Variants in TMEM132D observed in about 807,000 individuals in gnomAD.
TMEM132D encodes transmembrane protein 132D.
Under a neutral mutation model 62.3 loss-of-function variants are expected in TMEM132D, and 21 were observed. The observed-to-expected ratio is 0.34, with a 90% CI of 0.24 to 0.49. TMEM132D has a LOEUF of 0.49. TMEM132D is among the 20% of genes least tolerant of loss of function. The probability of loss-of-function intolerance (pLI) is 0.99; values close to 1 mark genes in which losing one functional copy is unlikely to be tolerated. For missense variants in TMEM132D, 1,346 were observed against 1,402.8 expected, an observed-to-expected ratio of 0.96 and a Z score of 0.65; for synonymous variants, 621 against 575.6, an observed-to-expected ratio of 1.08 and a Z score of -1.13.
chr12:129,413,735 C>A (rs1013811498), intron 3 of TMEM132D, among the ~76,000 whole-genome samples: 13 of 152,116 alleles, frequency 8.5e-5, no homozygotes, highest in Non-Finnish European at 1.3e-4. Flanking sequence ...AAACTCTTAC[C>A]TTGATCTTGG....
At chr12:129,635,587 C>T (rs1879455160) in intron 2 of TMEM132D, among the ~76,000 whole-genome samples, 1 of 152,194 alleles carries the variant, frequency 6.6e-6, no homozygotes, top group South Asian at 2.1e-4. Context: ...AACACTGAAA[C>T]CAGCGCTCAG....
At chr12:129,172,809 C>T (rs541400060) in intron 5 of TMEM132D, among the ~76,000 whole-genome samples, 1 of 152,246 alleles carries the variant, frequency 6.6e-6, no homozygotes, top group South Asian at 2.1e-4. Context: ...AACTCCCGGC[C>T]TCAGGCGATC....
intron 1 of TMEM132D, among the ~76,000 whole-genome samples, chr12:129,791,909 TA>T (rs1424097066): frequency 6.6e-6 from 1 of 152,172 alleles, no homozygotes; most frequent in African/African-American, 2.4e-5. Flanking sequence ...CTGTATTTCC[TA>T]AACATTAGGG....
chr12:129,122,243 C>T (rs1876088717), intron 5 of TMEM132D, among the ~76,000 whole-genome samples: 1 of 152,188 alleles, frequency 6.6e-6, no homozygotes. Flanking sequence ...TGAATGTGTA[C>T]TGCTCATCTC....
chr12:129,414,119 A>C, intron 3 of TMEM132D, among the ~76,000 whole-genome samples: 2 of 152,222 alleles, frequency 1.3e-5, no homozygotes, highest in Non-Finnish European at 2.9e-5. Flanking sequence ...ATCTCTCCGC[A>C]TAAAGTGGGC....
chr12:129,388,963 A>G (rs1242839060), intron 3 of TMEM132D, among the ~76,000 whole-genome samples: 1 of 134,406 alleles, frequency 7.4e-6, no homozygotes, highest in Non-Finnish European at 1.7e-5. Flanking sequence ...GATAATATTA[A>G]CACCAACACT....
Position 129,903,978 on chromosome 12 carries a change from C to T in TMEM132D, c.-639G>A, listed in dbSNP as rs946140334. The stretch of plus-strand genomic sequence containing the variant: ...CGGCCGCCGCCTCGGCCCGCCCGGC[C>T]CCGGGCCCGGCTGGGGCTCGCGGGG... On this transcript the variant is annotated 5_prime_UTR_variant, in exon 1 of 9. Transcript: ENST00000422113. This position sits in a 1 kb window ranked among gnomAD's most constrained non-coding sequence, Gnocchi z 6.2. Among the ~76,000 whole-genome samples, 1 of 148,962 alleles carries T rather than the reference C, an allele frequency of 6.7e-6. No individual in the cohort carries two copies. The highest frequency in any genetic ancestry group is 1.5e-5 in the Non-Finnish European group (1 of 66,738).
intron 5 of TMEM132D, among the ~76,000 whole-genome samples, chr12:129,143,688 T>C (rs1204958327): frequency 6.6e-6 from 1 of 151,778 alleles, no homozygotes; most frequent in Non-Finnish European, 1.5e-5. Context: ...TGAAGAGGAG[T>C]GGCCAGGCAG....
chr12:129,120,124 G>T (rs1876011440), intron 5 of TMEM132D, among the ~76,000 whole-genome samples: 1 of 152,184 alleles, frequency 6.6e-6, no homozygotes, highest in Admixed American at 6.5e-5. Context: ...ATTATGGTGA[G>T]GAGGTTGTAT....
At chr12:129,722,129 C>T (rs1396110535) in intron 1 of TMEM132D, among the ~76,000 whole-genome samples, 1 of 152,192 alleles carries the variant, frequency 6.6e-6, no homozygotes, top group Non-Finnish European at 1.5e-5. Flanking sequence ...CGCTGCTTTT[C>T]CTGTCACTAA....
intron 2 of TMEM132D, among the ~76,000 whole-genome samples, chr12:129,576,643 C>G (rs1422526367): frequency 6.6e-6 from 1 of 151,578 alleles, no homozygotes; most frequent in Admixed American, 6.6e-5. Flanking sequence ...TGACTTGAAA[C>G]AGCTCAGAGG....
At chr12:129,275,829 G>T (rs965167814) in intron 4 of TMEM132D, among the ~76,000 whole-genome samples, 1 of 152,164 alleles carries the variant, frequency 6.6e-6, no homozygotes, top group African/African-American at 2.4e-5. Context: ...AGAGAATAAG[G>T]TTGCTACGTT....
At chr12:129,216,995 TTTGTTG>T (rs971518951) in intron 4 of TMEM132D, among the ~76,000 whole-genome samples, 13 of 152,086 alleles carry the variant, frequency 8.5e-5, no homozygotes, top group Non-Finnish European at 1.9e-4. Context: ...AAAAACATTT[TTTGTTG>T]TTGTTGTTGT....
At chr12:129,601,486 T>G (rs1484766249) in intron 2 of TMEM132D, among the ~76,000 whole-genome samples, 1 of 152,250 alleles carries the variant, frequency 6.6e-6, no homozygotes, top group Non-Finnish European at 1.5e-5. Flanking sequence ...ACAAAAGACC[T>G]AGCTTTCAGC....
intron 1 of TMEM132D, among the ~76,000 whole-genome samples, chr12:129,876,441 T>C (rs950403872): frequency 1.3e-5 from 2 of 152,258 alleles, no homozygotes; most frequent in East Asian, 3.8e-4. Context: ...TGGTTGACTG[T>C]GATTTCTCTA....
chr12:129,865,545 G>A (rs1013844701), intron 1 of TMEM132D, among the ~76,000 whole-genome samples: 9 of 152,240 alleles, frequency 5.9e-5, no homozygotes, highest in East Asian at 1.9e-4. Context: ...GAGTGATTAC[G>A]TCTTGCAATG....
chr12:129,284,941 G>C (rs781651214), intron 4 of TMEM132D, among the ~76,000 whole-genome samples: 2 of 152,186 alleles, frequency 1.3e-5, no homozygotes, highest in African/African-American at 4.8e-5. Context: ...ACTGCTAAGG[G>C]GTGCATGGCT....
rs148249722 is a variant in TMEM132D at position 129,643,813 on chromosome 12, G to A, written c.968+55997C>T. Among the ~76,000 whole-genome samples the A allele has an allele frequency of 4.9e-3, 742 of 151,592 alleles. 22 individuals carry two copies. The highest frequency in any genetic ancestry group is 0.043 in the Admixed American group (652 of 15,216). On this transcript the variant is annotated intron_variant, in intron 2 of 8. Coordinates refer to ENST00000422113, the MANE Select transcript of TMEM132D (RefSeq NM_133448.3). ...AGGCTTCCAGTTGTCCCACCTTTCC[G>A]GACTGAACCAATTCCGAACAGAACC... is the stretch of plus-strand genomic sequence containing the variant.
intron 3 of TMEM132D, among the ~76,000 whole-genome samples, chr12:129,493,966 C>T (rs1874874709): frequency 6.6e-6 from 1 of 152,162 alleles, no homozygotes; most frequent in South Asian, 2.1e-4. Flanking sequence ...CAGGATGTGC[C>T]TTAGGTATAA....
Sources: allele counts gnomAD v4.1 joint callset (sites outside exome capture counted in the v4.1 genomes callset), GRCh38; gene constraint gnomAD v4.1.1; non-coding constraint Gnocchi (gnomAD v3.1); transcripts MANE v1.5; gene names NCBI Gene and HGNC (gene_info 2026-07-23, HGNC 2026-07-21).